ZZZ3: variants seen among roughly 807,000 people sequenced by gnomAD.
ZZZ3 encodes the protein zinc finger ZZ-type containing 3.
ZZZ3 carries 22 observed loss-of-function variants against 95.2 expected under a neutral mutation model. The ratio of observed to expected loss-of-function variants is 0.23; its 90% CI spans 0.17 to 0.33. ZZZ3 has a LOEUF of 0.33. ZZZ3 is among the 10% of genes least tolerant of loss of function. ZZZ3 has a pLI of 1.00. For missense variants in ZZZ3, 885 were observed against 1,066.5 expected (o/e 0.83, Z 2.37); for synonymous variants, 335 against 358.9 (o/e 0.93, Z 0.75).
Position 77,632,334 on chromosome 1 carries a change from T to G in ZZZ3, c.1021A>C (p.Thr341Pro), listed in dbSNP as rs866528624. Reference sequence around the variant, plus strand: ...GAGGCTGGCATACTCTCAAGACTTGTGTCCAGTTCGTTATTGGTGTTTTCT... The same window carrying G: ...GAGGCTGGCATACTCTCAAGACTTGGGTCCAGTTCGTTATTGGTGTTTTCT... ...CKENTNNELD[T>P]SLESMPASGE... The change falls in exon 5 of 15, where the codon ACA (threonine) becomes CCA (proline). Residue 341 changes from threonine to proline, a missense_variant. Coordinates refer to ENST00000370801, the MANE Select transcript of ZZZ3 (RefSeq NM_015534.6). 6.2e-7 allele frequency: 1 copy of G among 1,614,200 alleles called. No homozygotes were observed. Among genetic ancestry groups the G allele is most frequent in the African/African-American group, 1.3e-5 (1 of 75,060 alleles).
At position 77,581,082 on chromosome 1, in the gene ZZZ3, CAAG is replaced by C. The variant is rs780503434; in HGVS notation, c.1909-16_1909-14del. The C allele has an allele frequency of 1.2e-6, 2 of 1,611,092 alleles. No homozygotes were observed. The highest frequency in any genetic ancestry group is 2.7e-5 in the African/African-American group (2 of 74,972). On this transcript the variant is annotated splice_polypyrimidine_tract_variant and intron_variant, in intron 8 of 14. Transcript: ENST00000370801. ...GTCCTCTTATCATCTGCACATAAGA[CAAG>C]GCTTTTGTCAGAGAGAAAATAACAA...
chr1:77,592,641 G>A (rs1461390122), intron 5 of ZZZ3, among the ~76,000 whole-genome samples: 1 of 151,932 alleles, frequency 6.6e-6, no homozygotes, highest in African/African-American at 2.4e-5. Flanking sequence ...AAGAAAGCAA[G>A]ACACAAAGAA....
intron 5 of ZZZ3, among the ~76,000 whole-genome samples, chr1:77,596,941 A>AT (rs1166263994): frequency 1.3e-5 from 2 of 152,010 alleles, no homozygotes; most frequent in African/African-American, 4.8e-5. Flanking sequence ...CATATACACA[A>AT]TTTTCTTGCT....
chr1:77,639,415 G>A, intron 4 of ZZZ3, 34 bp downstream of exon 4: 1 of 1,460,170 alleles, frequency 6.8e-7, no homozygotes, highest in Non-Finnish European at 9.1e-7. Flanking sequence ...TCAAACTATA[G>A]CTGTCTTCAC....
intron 1 of ZZZ3, among the ~76,000 whole-genome samples, chr1:77,665,386 C>A (rs1203189737): frequency 1.3e-5 from 2 of 152,144 alleles, no homozygotes; most frequent in Admixed American, 1.3e-4. Flanking sequence ...TCACAGGAAT[C>A]TCAACTTGCT....
chr1:77,604,012 T>A (rs1430262961), intron 5 of ZZZ3, among the ~76,000 whole-genome samples: 2 of 151,754 alleles, frequency 1.3e-5, no homozygotes, highest in African/African-American at 2.4e-5. Flanking sequence ...AAAAAAAAAA[T>A]TTAAAAATTA....
intron 11 of ZZZ3, among the ~76,000 whole-genome samples, chr1:77,576,781 A>C (rs1463462322): frequency 9.8e-6 from 1 of 102,046 alleles, no homozygotes; most frequent in Non-Finnish European, 2.4e-5. Context: ...AAAAAACAAC[A>C]AAAAAAAAAT....
In ZZZ3 at chr1:77,589,347, G is replaced by A. The variant is rs1663422668; in HGVS notation, c.1506-4692C>T. ...TGAATATAAAAACATTTATATGAAAGAGTATACAGGTAAAAATCCTGACAT... is the reference window on the plus strand; with the variant it reads ...TGAATATAAAAACATTTATATGAAAAAGTATACAGGTAAAAATCCTGACAT... On this transcript the variant is annotated intron_variant, in intron 5 of 14. Transcript: ENST00000370801. Among the ~76,000 whole-genome samples the A allele has an allele frequency of 3.3e-5, 5 of 152,176 alleles. No individual in the cohort carries two copies. The South Asian group carries it at 1.0e-3, about 32-fold the overall frequency.
chr1:77,618,439 T>G (rs1026529504), intron 5 of ZZZ3, among the ~76,000 whole-genome samples: 1 of 151,950 alleles, frequency 6.6e-6, no homozygotes, highest in African/African-American at 2.4e-5. Flanking sequence ...CAATGCCATC[T>G]GCAAAATGAA....
intron 1 of ZZZ3, among the ~76,000 whole-genome samples, chr1:77,646,139 T>C (rs1376174166): frequency 1.3e-5 from 2 of 152,176 alleles, no homozygotes; most frequent in African/African-American, 4.8e-5. Flanking sequence ...CCTACCTCTG[T>C]AGTATCATCA....
At chr1:77,606,507 T>G (rs1665247670) in intron 5 of ZZZ3, among the ~76,000 whole-genome samples, 1 of 151,584 alleles carries the variant, frequency 6.6e-6, no homozygotes, top group South Asian at 2.1e-4. Context: ...TGTAGCCAGG[T>G]AGTGGATATA....
chr1:77,612,571 T>C (rs1665915990), intron 5 of ZZZ3, among the ~76,000 whole-genome samples: 1 of 152,014 alleles, frequency 6.6e-6, no homozygotes. Flanking sequence ...CAAAGAAATG[T>C]GGTACATATA....
In ZZZ3 at chr1:77,581,206, C is replaced by CT. The variant is rs200542073; in HGVS notation, c.1909-138dup. On this transcript the variant is annotated intron_variant, in intron 8 of 14. Transcript: ENST00000370801. ...GTAAATTTGTTTTTTAATGTATATG[C>CT]TTTTTTTTTAACTGTTTACAAAATG... 3.0e-3 allele frequency: 1,986 copies of CT among 670,172 alleles called. 2 individuals are homozygous for CT. The highest frequency in any genetic ancestry group is 3.7e-3 in the Non-Finnish European group (1,452 of 393,178). The allele number at this position is 670,172 out of a possible 1,614,324, so 41.5% of individuals were successfully genotyped here. A position where few individuals can be genotyped will look rare whatever the true frequency, so the allele number is the denominator to read the frequency against.
intron 5 of ZZZ3, among the ~76,000 whole-genome samples, chr1:77,606,523 C>T (rs1665250377): frequency 6.6e-6 from 1 of 152,100 alleles, no homozygotes; most frequent in Admixed American, 6.5e-5. Flanking sequence ...ATATAGCGGG[C>T]CTTGGGTGAG....
rs557766901 is a variant in ZZZ3 at position 77,632,071 on chromosome 1, T to G, written c.1284A>C (p.Thr428=). 6.2e-7 allele frequency: 1 copy of G among 1,614,166 alleles called. No individual in the cohort carries two copies. The highest frequency in any genetic ancestry group is 1.1e-5 in the South Asian group (1 of 91,082). Residue 428 remains threonine, a synonymous_variant, in exon 5 of 15, where the codon ACA becomes ACC. Coordinates refer to ENST00000370801, the MANE Select transcript of ZZZ3 (RefSeq NM_015534.6). ...TVSDNVSQSP[T]NPGEISQNEK... is the part of the protein sequence containing the mutation. ...CATTTTGAGAAATTTCACCAGGATT[T>G]GTAGGAGATTGACTTACATTATCAC...
intron 1 of ZZZ3, among the ~76,000 whole-genome samples, chr1:77,642,649 T>A (rs924263507): frequency 2.0e-5 from 3 of 151,854 alleles, no homozygotes; most frequent in African/African-American, 7.3e-5. Flanking sequence ...CCCAAGTACT[T>A]GGTTGAGGTG....
intron 1 of ZZZ3, among the ~76,000 whole-genome samples, chr1:77,668,988 T>C (rs1480458258): frequency 1.3e-5 from 2 of 152,006 alleles, no homozygotes; most frequent in East Asian, 3.9e-4. Flanking sequence ...GCCAAACATA[T>C]TCTTCAGATA....
chr1:77,649,690 C>A (rs981319630), intron 1 of ZZZ3, among the ~76,000 whole-genome samples: 7 of 152,070 alleles, frequency 4.6e-5, no homozygotes, highest in African/African-American at 1.7e-4. Context: ...TGAGACCAGC[C>A]TGACCAACAT....
chr1:77,568,402 T>C lies in ZZZ3; in HGVS notation c.2396A>G (p.Lys799Arg), dbSNP rs1349427889. Residue 799 changes from lysine (K) to arginine (R), a missense_variant, in exon 13 of 15, where the codon AAA (lysine) becomes AGA (arginine). By Grantham distance (26) the Lys-to-Arg change is conservative (BLOSUM62 2). Transcript: ENST00000370801. The stretch of plus-strand genomic sequence containing the variant: ...CTGAAGTTTCTGCTTCTTTAACTTT[T>C]TAAACTGTAATAGTTCTTTATATTC... ...LPEYKELLQF[K>R]KLKKQKLQQM... 3 of 1,583,518 alleles carry C rather than the reference T, an allele frequency of 1.9e-6. No homozygotes were observed. The highest frequency in any genetic ancestry group is 2.6e-6 in the Non-Finnish European group (3 of 1,159,194).
Sources: allele counts gnomAD v4.1 joint callset (sites outside exome capture counted in the v4.1 genomes callset), GRCh38; gene constraint gnomAD v4.1.1; transcripts MANE v1.5; gene names NCBI Gene and HGNC (gene_info 2026-07-23, HGNC 2026-07-21).